MIGA2: variants seen among roughly 807,000 people sequenced by gnomAD.
The protein encoded by MIGA2 is family with sequence similarity 73, member B.
MIGA2 carries 36 observed loss-of-function variants against 69.9 expected under a neutral mutation model. The observed-to-expected ratio is 0.52, with a 90% CI of 0.39 to 0.68. MIGA2 has a LOEUF of 0.68. Among genes scored for constraint, MIGA2 ranks in the 30% least tolerant of loss-of-function variants. The pLI, the probability that MIGA2 is intolerant of heterozygous loss-of-function variation, is 0.00. For synonymous variants in MIGA2, 333 were observed against 349.2 expected (o/e 0.95, Z 0.52); for missense variants, 660 against 787.7 (o/e 0.84, Z 1.94).
At position 129,048,510 on chromosome 9, in the gene MIGA2, C is replaced by T; in HGVS notation, c.391C>T (p.His131Tyr). 1 of 1,614,030 alleles carries T rather than the reference C, an allele frequency of 6.2e-7. No homozygotes were observed. The highest frequency in any genetic ancestry group is 8.5e-7 in the Non-Finnish European group (1 of 1,179,908). ...SGISSIEPSK[H>Y]SGSSHSVASM... ...CATCTCTTCCATTGAGCCCAGCAAGCACTCGGGCTCCTCCCACAGTGTGGC... is the reference window on the plus strand; with the variant it reads ...CATCTCTTCCATTGAGCCCAGCAAGTACTCGGGCTCCTCCCACAGTGTGGC... The change falls in exon 4 of 16, where the codon CAC becomes TAC. Residue 131 changes from histidine (H) to tyrosine (Y), a missense_variant. Physicochemically the swap from His to Tyr is moderately conservative, Grantham distance 83 (BLOSUM62 2). Around this residue, in one of 3 missense-constraint regions of MIGA2, gnomAD observed 386 missense variants for 402.0 expected, o/e 0.96. Coordinates refer to ENST00000684074, the MANE Select transcript of MIGA2 (RefSeq NM_001329990.2).
At chr9:129,052,871 T>C (rs1845619481) in intron 6 of MIGA2, among the ~76,000 whole-genome samples, 1 of 152,112 alleles carries the variant, frequency 6.6e-6, no homozygotes, top group African/African-American at 2.4e-5. Context: ...GTGCCTGCAG[T>C]TGCAGCTGCG....
rs1455040715 is a variant in MIGA2 at position 129,060,103 on chromosome 9, C to T, written c.794-447C>T. ...ACACCCCTCAGCCCTTGGGCGAGCA[C>T]GGAGGGGAACTCCAGGTTAGTGGCT... On this transcript the variant is annotated intron_variant, in intron 7 of 15. Transcript: ENST00000684074. The surrounding 1 kb of genome is among the most constrained non-coding windows in gnomAD (Gnocchi z 4.8). Among the ~76,000 whole-genome samples, 3 of 152,206 alleles carry T rather than the reference C, an allele frequency of 2.0e-5. No individual in the cohort carries two copies. The highest frequency in any genetic ancestry group is 2.1e-4 in the South Asian group (1 of 4,836).
intron 1 of MIGA2, among the ~76,000 whole-genome samples, chr9:129,038,483 A>G (rs1844715607): frequency 1.3e-5 from 2 of 152,096 alleles, no homozygotes; most frequent in Non-Finnish European, 2.9e-5. Context: ...TGATCAAGCC[A>G]CTTATTTCCT....
Position 129,070,671 on chromosome 9 carries a change from T to G in MIGA2, c.*218T>G. ...AGTGGGGCCTGTGGGAGAGAAAGGC[T>G]GTGAGAGAGGGGGTTGTTGTGGAGA... is the stretch of plus-strand genomic sequence containing the variant. On this transcript the variant is annotated 3_prime_UTR_variant, in exon 16 of 16. Transcript: ENST00000684074. The G allele has an allele frequency of 3.5e-6, 2 of 566,078 alleles. No individual in the cohort carries two copies. The highest frequency in any genetic ancestry group is 3.1e-5 in the Admixed American group (1 of 32,156). The allele number at this position is 566,078 out of a possible 1,614,324, so 35.1% of individuals were successfully genotyped here. A position where few individuals can be genotyped will look rare whatever the true frequency, so the allele number is the denominator to read the frequency against.
At chr9:129,058,495 T>A (rs1174645583) in intron 6 of MIGA2, among the ~76,000 whole-genome samples, 2 of 149,824 alleles carry the variant, frequency 1.3e-5, no homozygotes, top group Non-Finnish European at 3.0e-5. Flanking sequence ...TTTCTTTCTT[T>A]CTTTTTTTTT....
Position 129,052,204 on chromosome 9 carries a change from C to A in MIGA2, c.675+2241C>A, listed in dbSNP as rs554060280. Among the ~76,000 whole-genome samples, 14 of 152,052 alleles carry A rather than the reference C, an allele frequency of 9.2e-5. No homozygotes were observed. The East Asian group carries it at 2.5e-3, about 28-fold the overall frequency. ...GCAGTGGCGTGATCTTGGCTCACTG[C>A]AGCCTCCACCTCCTGGGTTCAAGCG... On this transcript the variant is annotated intron_variant, in intron 6 of 15. Transcript: ENST00000684074.
At chr9:129,066,698 G>A (rs930147752) in intron 11 of MIGA2, among the ~76,000 whole-genome samples, 3 of 148,764 alleles carry the variant, frequency 2.0e-5, no homozygotes, top group African/African-American at 7.5e-5. Flanking sequence ...AGTGGCTCAT[G>A]CCTGTAATCC....
Position 129,040,516 on chromosome 9 carries a change from C to T in MIGA2, c.-79C>T, listed in dbSNP as rs1298593939. The T allele has an allele frequency of 6.6e-7, 1 of 1,517,428 alleles. No individual in the cohort carries two copies. Among genetic ancestry groups the T allele is most frequent in the Non-Finnish European group, 8.9e-7 (1 of 1,124,186 alleles). The allele number at this position is 1,517,428 out of a possible 1,614,324, so 94.0% of individuals were successfully genotyped here. A position where few individuals can be genotyped will look rare whatever the true frequency, so the allele number is the denominator to read the frequency against. ...TCTGGGGCGTGGATGGTGCCTGGGA[C>T]CCAGCTGGCAACCAGTTGAAGACGT... On this transcript the variant is annotated 5_prime_UTR_variant, in exon 2 of 16. Transcript: ENST00000684074.
At chr9:129,058,873 T>A (rs1257457194) in intron 6 of MIGA2, among the ~76,000 whole-genome samples, 1 of 152,184 alleles carries the variant, frequency 6.6e-6, no homozygotes, top group Non-Finnish European at 1.5e-5. Context: ...CATTTCAGCA[T>A]GTAATCAACA....
Position 129,059,302 on chromosome 9 carries a change from C to T in MIGA2, c.793+31C>T, listed in dbSNP as rs542807883. On this transcript the variant is annotated intron_variant, in intron 7 of 15. Coordinates refer to ENST00000684074, the MANE Select transcript of MIGA2 (RefSeq NM_001329990.2). The surrounding 1 kb of genome is among the most constrained non-coding windows in gnomAD (Gnocchi z 5.6). ...CTGGGCCCAGTGCAGGTGGGGTGGG[C>T]GTGGAGGGTGGCAGGGATGGAGGTG... 1.5e-4 allele frequency: 223 copies of T among 1,511,172 alleles called. 1 individual carries two copies. Among genetic ancestry groups the T allele is most frequent in the South Asian group, 6.0e-5 (5 of 83,826 alleles). 93.6% of individuals were successfully genotyped at this position (1,511,172 alleles called of 1,614,324 possible).
intron 1 of MIGA2, among the ~76,000 whole-genome samples, chr9:129,039,234 A>AT (rs1329990073): frequency 8.6e-6 from 1 of 116,810 alleles, no homozygotes; most frequent in Non-Finnish European, 1.9e-5. Flanking sequence ...ATTTTATTTT[A>AT]TTTTTTTGTT....
chr9:129,040,147 G>A (rs1476044010), intron 1 of MIGA2, among the ~76,000 whole-genome samples: 1 of 152,142 alleles, frequency 6.6e-6, no homozygotes, highest in Non-Finnish European at 1.5e-5. Context: ...GAAAAAGGTA[G>A]AGAAAATGTG....
chr9:129,045,855 T>TG (rs200343583), intron 3 of MIGA2, among the ~76,000 whole-genome samples: 4,448 of 152,112 alleles, frequency 0.029, 202 homozygotes, highest in African/African-American at 0.096. Context: ...TTTTGTTTTT[T>TG]TTTTTTTGGT....
chr9:129,053,526 G>A (rs931560562), intron 6 of MIGA2, among the ~76,000 whole-genome samples: 12 of 151,932 alleles, frequency 7.9e-5, no homozygotes, highest in African/African-American at 2.7e-4. Flanking sequence ...ACCACGCCCG[G>A]CTAATTTTTT....
At chr9:129,052,221 G>T (rs1036622582) in intron 6 of MIGA2, among the ~76,000 whole-genome samples, 1 of 151,986 alleles carries the variant, frequency 6.6e-6, no homozygotes, top group Non-Finnish European at 1.5e-5. Context: ...CACCTCCTGG[G>T]TTCAAGCGAT....
intron 6 of MIGA2, among the ~76,000 whole-genome samples, chr9:129,054,169 TG>T (rs1266048775): frequency 6.6e-6 from 1 of 152,166 alleles, no homozygotes; most frequent in Admixed American, 6.6e-5. Flanking sequence ...AAGAAACCCC[TG>T]GTCCAGCATG....
Position 129,063,336 on chromosome 9 carries a change from T to A in MIGA2, c.1083+20T>A, listed in dbSNP as rs1470341106. 1.4e-5 allele frequency: 23 copies of A among 1,613,290 alleles called. No individual in the cohort carries two copies. The highest frequency in any genetic ancestry group is 1.9e-5 in the Non-Finnish European group (23 of 1,179,738). ...TTCGAGGTGGGTGTGGCCTGGGGGT[T>A]CCTCGGGGGTGGGAGGCAAGGGGTA... On this transcript the variant is annotated intron_variant, in intron 10 of 15. Transcript: ENST00000684074.
intron 11 of MIGA2, among the ~76,000 whole-genome samples, chr9:129,067,022 G>GCTA (rs1235200722): frequency 6.9e-6 from 1 of 144,170 alleles, no homozygotes; most frequent in Non-Finnish European, 1.5e-5. Flanking sequence ...TGTAGTCCCA[G>GCTA]CTACTTGGGA....
rs1332709260 is a variant in MIGA2, at chr9:129,060,228, G to T, written c.794-322G>T. ...CCACACAGTTCAAGGTCCTCCCCCT[G>T]CAGAGCTTGGGCCTTCAGGCCTCAG... On this transcript the variant is annotated intron_variant, in intron 7 of 15. Transcript: ENST00000684074. The surrounding 1 kb of genome is among the most constrained non-coding windows in gnomAD (Gnocchi z 4.8). 1.3e-5 allele frequency among the ~76,000 whole-genome samples: 2 copies of T among 152,194 alleles called. No individual in the cohort carries two copies. The highest frequency in any genetic ancestry group is 4.8e-5 in the African/African-American group (2 of 41,450).
Sources: gnomAD v4.1 joint callset for allele counts (sites outside exome capture counted in the v4.1 genomes callset) on GRCh38, gnomAD v4.1.1 for gene constraint, gnomAD v4.1.1 regional missense constraint, Gnocchi (gnomAD v3.1) non-coding constraint, MANE v1.5 for transcripts, NCBI Gene and HGNC (gene_info 2026-07-23, HGNC 2026-07-21) for gene names.